ELFN1: variants seen among roughly 807,000 people sequenced by gnomAD.
The protein encoded by ELFN1 is protein ELFN1.
A neutral mutation model predicts 7.6 loss-of-function variants in ELFN1; 6 were observed. That is an observed-to-expected ratio of 0.79 (90% CI 0.43 to 1.56). ELFN1 has a LOEUF of 1.56. Among genes scored for constraint, ELFN1 ranks in the 40% most tolerant of loss-of-function variants. The pLI, the probability that ELFN1 is intolerant of heterozygous loss-of-function variation, is 0.01. For synonymous variants in ELFN1, 657 were observed against 588.1 expected, an observed-to-expected ratio of 1.12 and a Z score of -1.70; for missense variants, 1,169 against 1,232.2, an observed-to-expected ratio of 0.95 and a Z score of 0.77.
chr7:1,703,969 C>T (rs1779479857), intron 2 of ELFN1, among the ~76,000 whole-genome samples: 1 of 152,198 alleles, frequency 6.6e-6, no homozygotes, highest in African/African-American at 2.4e-5. Context: ...CAGTACAAAT[C>T]CCGGCTCTTC....
intron 2 of ELFN1, among the ~76,000 whole-genome samples, chr7:1,699,996 G>A (rs563746251): frequency 5.1e-4 from 78 of 152,186 alleles, no homozygotes; most frequent in Middle Eastern, 3.4e-3. Context: ...CCCCGTGCCC[G>A]GCCTCATCAT....
intron 3 of ELFN1, among the ~76,000 whole-genome samples, chr7:1,726,737 G>T (rs2128596397): frequency 6.6e-6 from 1 of 152,328 alleles, no homozygotes; most frequent in East Asian, 1.9e-4. Flanking sequence ...TGAGAAGAGG[G>T]GAGGGGCCGT....
At chr7:1,694,730 G>A (rs778487053) in intron 2 of ELFN1, among the ~76,000 whole-genome samples, 1 of 152,206 alleles carries the variant, frequency 6.6e-6, no homozygotes, top group Admixed American at 6.5e-5. Flanking sequence ...AGACGTCACT[G>A]TCACCATGCC....
rs554016580 is a variant in ELFN1 at position 1,744,607 on chromosome 7, G to A, written c.11G>A (p.Arg4His). The A allele has an allele frequency of 8.4e-4, 1,286 of 1,530,286 alleles. 9 individuals are homozygous for A. The African/African-American group carries it at 0.014, about 17-fold the overall frequency. 94.8% of individuals were successfully genotyped at this position (1,530,286 alleles called of 1,614,324 possible). The change falls in exon 4 of 4, where the codon CGT becomes CAT. Residue 4 changes from arginine to histidine, a missense_variant. Transcript: ENST00000424383. MAG[R>H]GWGALWVCVA... ...TGCAGGGCGGTCCCGATGGCCGGGC[G>A]TGGGTGGGGCGCGCTGTGGGTGTGC...
At chr7:1,719,060 A>G (rs901004881) in intron 3 of ELFN1, among the ~76,000 whole-genome samples, 1 of 152,006 alleles carries the variant, frequency 6.6e-6, no homozygotes, top group Non-Finnish European at 1.5e-5. Context: ...CTGGGGTTGA[A>G]TGAGTGCCTC....
At chr7:1,713,122 G>A (rs1779713242) in intron 3 of ELFN1, among the ~76,000 whole-genome samples, 1 of 152,190 alleles carries the variant, frequency 6.6e-6, no homozygotes, top group Non-Finnish European at 1.5e-5. Flanking sequence ...AGCCTGGTGG[G>A]ATCACCCCAG....
Position 1,745,258 on chromosome 7 carries a change from A to G in ELFN1, c.662A>G (p.Glu221Gly). The change falls in exon 4 of 4, where the codon GAG (glutamate) becomes GGG (glycine). Residue 221 changes from glutamate to glycine, a missense_variant. By Grantham distance (98) the Glu-to-Gly change is moderately conservative. This residue lies in a region of ELFN1 where 255 missense variants were observed against 359.6 expected (regional missense o/e 0.71). Transcript: ENST00000424383. ...ATQTYDRMQC[E>G]SPPVYSGYYL... is the part of the protein sequence containing the mutation. ...CAGACGTACGACCGCATGCAGTGCGAGTCGCCGCCCGTCTACTCCGGCTAC... is the reference window on the plus strand; with the variant it reads ...CAGACGTACGACCGCATGCAGTGCGGGTCGCCGCCCGTCTACTCCGGCTAC... The G allele has an allele frequency of 6.5e-7, 1 of 1,539,244 alleles. No homozygotes were observed. The highest frequency in any genetic ancestry group is 1.2e-5 in the South Asian group (1 of 84,056).
chr7:1,695,385 C>G lies in ELFN1; in HGVS notation c.-456+7235C>G, dbSNP rs987470292. Among the ~76,000 whole-genome samples the G allele has an allele frequency of 2.0e-5, 3 of 152,192 alleles. No homozygotes were observed. The highest frequency in any genetic ancestry group is 2.0e-4 in the Admixed American group (3 of 15,280). ...AAGGGCAGGAGCAGGACCATTGGCA[C>G]AAGCCTGGGCGAGTCTCGCTGGGAG... On this transcript the variant is annotated intron_variant, in intron 2 of 3. Coordinates refer to ENST00000424383, the MANE Select transcript of ELFN1 (RefSeq NM_001128636.4). This position sits in a 1 kb window ranked among gnomAD's most constrained non-coding sequence, Gnocchi z 5.1.
intron 1 of ELFN1, among the ~76,000 whole-genome samples, chr7:1,678,484 G>C (rs1778915408): frequency 6.6e-6 from 1 of 152,224 alleles, no homozygotes; most frequent in African/African-American, 2.4e-5. Context: ...CCGAGGCATG[G>C]AGTGGGGAAG....
At chr7:1,680,482 C>A (rs1212966802) in intron 1 of ELFN1, among the ~76,000 whole-genome samples, 2 of 152,204 alleles carry the variant, frequency 1.3e-5, no homozygotes, top group Non-Finnish European at 2.9e-5. Context: ...GCTTGTTTCC[C>A]TTGCGTGAGC....
Position 1,747,883 on chromosome 7 carries a change from TAAA to T in ELFN1, c.*815_*817del, listed in dbSNP as rs5881906. On this transcript the variant is annotated 3_prime_UTR_variant, in exon 4 of 4. Coordinates refer to ENST00000424383, the MANE Select transcript of ELFN1 (RefSeq NM_001128636.4). ...AGAAAGAAAAAAAGACTATGTCTAC[TAAA>T]AAAAAAAAAAAAAAGACTATGTCTA... 72 of 143,982 alleles carry T rather than the reference TAAA, an allele frequency of 5.0e-4. No individual in the cohort carries two copies. Among genetic ancestry groups the T allele is most frequent in the African/African-American group, 2.8e-4 (10 of 35,340 alleles). The allele number at this position is 143,982 out of a possible 1,614,324, so 8.9% of individuals were successfully genotyped here. A position where few individuals can be genotyped will look rare whatever the true frequency, so the allele number is the denominator to read the frequency against.
rs34132549 is a variant in ELFN1, at chr7:1,695,747, CAA to C, written c.-456+7621_-456+7622del. ...TGGGTGACAGAGCGAGACTCCGTGT[CAA>C]AAAAAAAAAAAAAAAAAAAAAAACC... On this transcript the variant is annotated intron_variant, in intron 2 of 3. Transcript: ENST00000424383. This position sits in a 1 kb window ranked among gnomAD's most constrained non-coding sequence, Gnocchi z 5.1. Among the ~76,000 whole-genome samples the C allele has an allele frequency of 8.4e-5, 5 of 59,206 alleles. No individual in the cohort carries two copies. Among genetic ancestry groups the C allele is most frequent in the African/African-American group, 2.0e-4 (3 of 15,026 alleles). 38.8% of individuals were successfully genotyped at this position (59,206 alleles called of 152,430 possible). A position where few individuals can be genotyped will look rare whatever the true frequency, so the allele number is the denominator to read the frequency against.
At chr7:1,697,749 G>A (rs982968594) in intron 2 of ELFN1, among the ~76,000 whole-genome samples, 4 of 152,124 alleles carry the variant, frequency 2.6e-5, no homozygotes, top group African/African-American at 4.8e-5. Flanking sequence ...AACACATCAA[G>A]GCATGTGTCA....
intron 2 of ELFN1, among the ~76,000 whole-genome samples, chr7:1,696,472 G>T (rs1191686556): frequency 2.0e-5 from 3 of 150,984 alleles, no homozygotes; most frequent in Non-Finnish European, 4.4e-5. Context: ...GATCACTGCA[G>T]CCTCCACCTC....
chr7:1,722,327 C>T (rs1780048910), intron 3 of ELFN1, among the ~76,000 whole-genome samples: 2 of 145,266 alleles, frequency 1.4e-5, no homozygotes, highest in African/African-American at 2.6e-5. Context: ...GGTGCAGTGG[C>T]GCGATCTCGG....
intron 1 of ELFN1, among the ~76,000 whole-genome samples, chr7:1,675,945 G>C (rs912752701): frequency 7.9e-5 from 12 of 152,198 alleles, no homozygotes; most frequent in Non-Finnish European, 1.5e-4. Flanking sequence ...AGGGGCTGGG[G>C]ACCCTCAGGA....
chr7:1,733,704 T>C (rs983489052), intron 3 of ELFN1, among the ~76,000 whole-genome samples: 1 of 152,156 alleles, frequency 6.6e-6, no homozygotes, highest in Non-Finnish European at 1.5e-5. Flanking sequence ...GGCTAATTGC[T>C]CATTTCTAAC....
At chr7:1,704,581 G>A (rs1249079440) in intron 2 of ELFN1, among the ~76,000 whole-genome samples, 1 of 152,070 alleles carries the variant, frequency 6.6e-6, no homozygotes, top group Non-Finnish European at 1.5e-5. Context: ...ACCTACAGCA[G>A]TACTAGGTGG....
At chr7:1,681,916 A>T (rs981535992) in intron 1 of ELFN1, among the ~76,000 whole-genome samples, 4 of 152,118 alleles carry the variant, frequency 2.6e-5, no homozygotes, top group Admixed American at 6.6e-5. Flanking sequence ...TGTCTATTCA[A>T]ATCTCTTGCC....
Sources: gnomAD v4.1 joint callset for allele counts (sites outside exome capture counted in the v4.1 genomes callset) on GRCh38, gnomAD v4.1.1 for gene constraint, gnomAD v4.1.1 regional missense constraint, Gnocchi (gnomAD v3.1) non-coding constraint, MANE v1.5 for transcripts, NCBI Gene and HGNC (gene_info 2026-07-23, HGNC 2026-07-21) for gene names.